The following CNTNAP2 variants were observed in gnomAD, a reference collection of about 807,000 sequenced individuals.
CNTNAP2 encodes the protein contactin-associated protein-like 2.
CNTNAP2 carries 98 observed loss-of-function variants against 155.2 expected under a neutral mutation model. That is an observed-to-expected ratio of 0.63 (90% CI 0.54 to 0.75). CNTNAP2 has a LOEUF of 0.75. CNTNAP2 is among the 30% of genes least tolerant of loss of function. CNTNAP2 has a pLI of 0.00. For missense variants in CNTNAP2, 1,727 were observed against 1,688.1 expected (o/e 1.02, Z -0.40); for synonymous variants, 651 against 631.2 (o/e 1.03, Z -0.47).
intron 16 of CNTNAP2, 52 bp downstream of exon 16, chr7:148,118,340 G>A (rs1244200795): frequency 6.3e-7 from 1 of 1,594,816 alleles, no homozygotes; most frequent in Non-Finnish European, 8.6e-7. Context: ...GTCACCTCAG[G>A]GTGGTCCGGG....
chr7:147,768,635 C>T (rs577279393), intron 13 of CNTNAP2, among the ~76,000 whole-genome samples: 38 of 152,116 alleles, frequency 2.5e-4, no homozygotes, highest in African/African-American at 7.7e-4. Flanking sequence ...TGTAATAGGA[C>T]AAAATAAGCA....
intron 8 of CNTNAP2, among the ~76,000 whole-genome samples, chr7:147,262,259 G>T (rs998801644): frequency 6.6e-6 from 1 of 152,206 alleles, no homozygotes; most frequent in Non-Finnish European, 1.5e-5. Context: ...CGGAAAGACA[G>T]AATGCTAAAG....
At chr7:146,670,524 G>C (rs2248037) in intron 1 of CNTNAP2, among the ~76,000 whole-genome samples, 122,873 of 151,946 alleles carry the variant, frequency 0.81, 50,289 homozygotes, top group South Asian at 0.91. Flanking sequence ...GACAGACTCG[G>C]ATTAAAAAAT....
At chr7:147,396,028 G>A (rs532955330) in intron 10 of CNTNAP2, among the ~76,000 whole-genome samples, 1 of 146,914 alleles carries the variant, frequency 6.8e-6, no homozygotes, top group Non-Finnish European at 1.5e-5. Context: ...CTATATATGA[G>A]ATATATCCTA....
intron 15 of CNTNAP2, among the ~76,000 whole-genome samples, chr7:148,015,470 G>A (rs1802161356): frequency 6.6e-6 from 1 of 152,158 alleles, no homozygotes; most frequent in African/African-American, 2.4e-5. Flanking sequence ...CAGGAAGGCG[G>A]GCATCGGCGA....
rs1563203064 is a variant in CNTNAP2 at position 146,721,042 on chromosome 7, C to CTATATATATACTCTCTATATAT, written c.98-53215_98-53214insCTATATATTATATATATACTCT. 1.1e-4 allele frequency among the ~76,000 whole-genome samples: 13 copies of CTATATATATACTCTCTATATAT among 115,790 alleles called. 1 individual carries two copies. The highest frequency in any genetic ancestry group is 5.5e-4 in the African/African-American group (12 of 21,738). 76.0% of individuals were successfully genotyped at this position (115,790 alleles called of 152,430 possible). On this transcript the variant is annotated intron_variant, in intron 1 of 23. Transcript: ENST00000361727. Reference sequence around the variant, plus strand: ...ATATATTATATATACTCTATATATTCTATATATATACTCTATATTCTATAT... The same window carrying CTATATATATACTCTCTATATAT: ...ATATATTATATATACTCTATATATTCTATATATATACTCTCTATATATTATATATATACTCTATATTCTATAT...
At chr7:148,387,514 A>T (rs897937772) in intron 22 of CNTNAP2, among the ~76,000 whole-genome samples, 1 of 152,164 alleles carries the variant, frequency 6.6e-6, no homozygotes, top group Non-Finnish European at 1.5e-5. Flanking sequence ...GAAGTAGATT[A>T]TCTCATCTGG....
chr7:147,337,270 A>C (rs190002948), intron 9 of CNTNAP2, among the ~76,000 whole-genome samples: 2 of 152,062 alleles, frequency 1.3e-5, no homozygotes, highest in African/African-American at 4.8e-5. Context: ...ATGAAGTCTC[A>C]TCTGTGCATA....
rs144183801 is a variant in CNTNAP2 at position 147,997,659 on chromosome 7, G to A, written c.2383+19670G>A. Among the ~76,000 whole-genome samples, 28 of 152,282 alleles carry A rather than the reference G, an allele frequency of 1.8e-4. No individual in the cohort carries two copies. In the East Asian group the frequency reaches 5.4e-3, roughly 29 times the overall value. ...TACTTTGAAAGTTAAGTGCAGAATA[G>A]ACAGGATGCTCTGAGAGAGAGAGGA... On this transcript the variant is annotated intron_variant, in intron 15 of 23. Transcript: ENST00000361727.
intron 13 of CNTNAP2, among the ~76,000 whole-genome samples, chr7:147,729,393 A>G (rs1157223754): frequency 7.2e-6 from 1 of 139,472 alleles, no homozygotes. Flanking sequence ...CTCCCGCTCT[A>G]ATAAGAAAAC....
At chr7:146,274,480 G>A (rs1800133076) in intron 1 of CNTNAP2, among the ~76,000 whole-genome samples, 1 of 152,194 alleles carries the variant, frequency 6.6e-6, no homozygotes, top group Non-Finnish European at 1.5e-5. Context: ...GACCAGATGA[G>A]ACGGCATAGC....
intron 1 of CNTNAP2, among the ~76,000 whole-genome samples, chr7:146,566,034 G>T (rs1230498432): frequency 6.6e-6 from 1 of 152,174 alleles, no homozygotes; most frequent in East Asian, 1.9e-4. Flanking sequence ...CTCTGTAATG[G>T]CTGCAGCCTC....
chr7:147,582,086 A>G (rs1800512783), intron 12 of CNTNAP2, among the ~76,000 whole-genome samples: 1 of 152,154 alleles, frequency 6.6e-6, no homozygotes, highest in African/African-American at 2.4e-5. Context: ...AATTTTCATA[A>G]TAGCCTCAAG....
chr7:146,483,274 T>TAAAAA (rs1172354064), intron 1 of CNTNAP2, among the ~76,000 whole-genome samples: 45 of 40,842 alleles, frequency 1.1e-3, no homozygotes, highest in South Asian at 3.3e-3. Flanking sequence ...AGACTCCGTC[T>TAAAAA]AAAAAAAAAT....
At chr7:147,824,239 G>T (rs1798410020) in intron 13 of CNTNAP2, among the ~76,000 whole-genome samples, 1 of 152,138 alleles carries the variant, frequency 6.6e-6, no homozygotes, top group Non-Finnish European at 1.5e-5. Context: ...TTGCATTTCA[G>T]ATTAAACTAT....
chr7:147,097,224 C>A (rs113219315), intron 4 of CNTNAP2, among the ~76,000 whole-genome samples: 1 of 152,116 alleles, frequency 6.6e-6, no homozygotes, highest in South Asian at 2.1e-4. Context: ...CTCGTCCTGA[C>A]AAATTTGTAG....
chr7:146,316,220 G>A (rs888947246), intron 1 of CNTNAP2, among the ~76,000 whole-genome samples: 4 of 151,914 alleles, frequency 2.6e-5, no homozygotes, highest in African/African-American at 7.3e-5. Flanking sequence ...TACCCCAAAT[G>A]TTACTTCATA....
chr7:147,109,931 T>G (rs1187314562), intron 5 of CNTNAP2, among the ~76,000 whole-genome samples: 1 of 149,208 alleles, frequency 6.7e-6, no homozygotes, highest in Non-Finnish European at 1.5e-5. Context: ...ATTTATTTAT[T>G]TACTTATTTT....
At chr7:148,317,272 T>G (rs2116529143) in intron 21 of CNTNAP2, among the ~76,000 whole-genome samples, 1 of 152,308 alleles carries the variant, frequency 6.6e-6, no homozygotes, top group East Asian at 1.9e-4. Flanking sequence ...GGAGAATTAC[T>G]TGAACCCAGG....
Sources: gnomAD v4.1 joint callset for allele counts (sites outside exome capture counted in the v4.1 genomes callset) on GRCh38, gnomAD v4.1.1 for gene constraint, MANE v1.5 for transcripts, NCBI Gene and HGNC (gene_info 2026-07-23, HGNC 2026-07-21) for gene names.